AGAP1: variants seen among roughly 807,000 people sequenced by gnomAD.
AGAP1 encodes ArfGAP with GTPase domain, ankyrin repeat and PH domain 1.
In AGAP1, 29 loss-of-function variants were observed where a neutral mutation model predicts 105.3. The observed-to-expected ratio is 0.28, with a 90% CI of 0.21 to 0.38. The LOEUF (loss-of-function observed/expected upper bound fraction) is 0.38. Among genes scored for constraint, AGAP1 ranks in the 10% least tolerant of loss-of-function variants. The probability of loss-of-function intolerance (pLI) is 1.00; values close to 1 mark genes in which losing one functional copy is unlikely to be tolerated. For missense variants in AGAP1, 998 were observed against 1,165.1 expected (o/e 0.86, Z 2.09); for synonymous variants, 509 against 485.9 (o/e 1.05, Z -0.63).
chr2:235,836,122 G>T (rs1321677355), intron 9 of AGAP1, among the ~76,000 whole-genome samples: 1 of 152,144 alleles, frequency 6.6e-6, no homozygotes, highest in South Asian at 2.1e-4. Flanking sequence ...ATTTTGTAAG[G>T]AACATTAACA....
chr2:235,562,478 T>A (rs1012881341), intron 1 of AGAP1, among the ~76,000 whole-genome samples: 3 of 152,102 alleles, frequency 2.0e-5, no homozygotes, highest in Non-Finnish European at 4.4e-5. Context: ...TGTGTGAGAC[T>A]GCTTTCCCTT....
Position 235,734,298 on chromosome 2 carries a change from C to T in AGAP1, c.311-6665C>T, listed in dbSNP as rs1952114332. 6.6e-6 allele frequency among the ~76,000 whole-genome samples: 1 copy of T among 152,144 alleles called. No individual in the cohort carries two copies. The highest frequency in any genetic ancestry group is 6.5e-5 in the Admixed American group (1 of 15,268). ...GTGGCCGAAAGGGACCCAGGACCTG[C>T]CAGCCATGCTCCTCCTGTCTTTCTC... On this transcript the variant is annotated intron_variant, in intron 3 of 17. Transcript: ENST00000304032. This position sits in a 1 kb window ranked among gnomAD's most constrained non-coding sequence, Gnocchi z 5.3.
chr2:235,710,241 A>G (rs979783463), intron 2 of AGAP1, among the ~76,000 whole-genome samples: 1 of 152,236 alleles, frequency 6.6e-6, no homozygotes, highest in Admixed American at 6.5e-5. Flanking sequence ...GCCAGGAGAC[A>G]GGATCCTTCC....
rs376797868 is a variant in AGAP1, at chr2:235,797,250, GAGAT to G, written c.674-506_674-503del. 1.2e-4 allele frequency among the ~76,000 whole-genome samples: 18 copies of G among 152,246 alleles called. No homozygotes were observed. In the East Asian group the frequency reaches 3.1e-3, roughly 26 times the overall value. ...ATGATTTTATGAGAATAACTTAAAT[GAGAT>G]AGGTGTGTATTTTTTTGCTTTACAT... On this transcript the variant is annotated intron_variant, in intron 6 of 17. Transcript: ENST00000304032.
At chr2:235,837,627 A>C (rs889817649) in intron 9 of AGAP1, among the ~76,000 whole-genome samples, 2 of 152,194 alleles carry the variant, frequency 1.3e-5, no homozygotes, top group Non-Finnish European at 2.9e-5. Flanking sequence ...AAGATGATGG[A>C]GTCTACCAGT....
rs1319320019 is a variant in AGAP1 at position 236,038,470 on chromosome 2, A to G, written c.1800+1755A>G. On this transcript the variant is annotated intron_variant, in intron 14 of 17. Transcript: ENST00000304032. This position sits in a 1 kb window ranked among gnomAD's most constrained non-coding sequence, Gnocchi z 4.5. ...TCCTGACTCGTGTCTCAGCTCATGC[A>G]CACACCAGCCTTAGAATGCTGCCCT... Among the ~76,000 whole-genome samples the G allele has an allele frequency of 6.6e-6, 1 of 152,152 alleles. No individual in the cohort carries two copies. The highest frequency in any genetic ancestry group is 1.5e-5 in the Non-Finnish European group (1 of 68,026).
rs2149727697 is a variant in AGAP1 at position 235,753,296 on chromosome 2, T to C, written c.673+2808T>C. 6.6e-6 allele frequency among the ~76,000 whole-genome samples: 1 copy of C among 152,364 alleles called. No homozygotes were observed. The highest frequency in any genetic ancestry group is 1.5e-5 in the Non-Finnish European group (1 of 68,028). ...TATTCAGAAAAAGCGTTTCCGTTAC[T>C]GTGACAGCTCATGTCGCACCTCCCC... On this transcript the variant is annotated intron_variant, in intron 6 of 17. Coordinates refer to ENST00000304032, the MANE Select transcript of AGAP1 (RefSeq NM_001037131.3). The surrounding 1 kb of genome is among the most constrained non-coding windows in gnomAD (Gnocchi z 4.5).
intron 16 of AGAP1, among the ~76,000 whole-genome samples, chr2:236,071,151 G>T (rs2058484767): frequency 1.3e-5 from 2 of 152,238 alleles, no homozygotes; most frequent in African/African-American, 2.4e-5. Flanking sequence ...GGCAGCGCTG[G>T]TTCATTTCTT....
intron 16 of AGAP1, among the ~76,000 whole-genome samples, chr2:236,085,866 G>A (rs1163537816): frequency 6.6e-6 from 1 of 152,256 alleles, no homozygotes; most frequent in African/African-American, 2.4e-5. Flanking sequence ...ACTCCTGGAG[G>A]GGACAATGGC....
At position 235,600,205 on chromosome 2, in the gene AGAP1, G is replaced by C. The variant is rs1445989598; in HGVS notation, c.163+105356G>C. Among the ~76,000 whole-genome samples the C allele has an allele frequency of 6.6e-6, 1 of 152,192 alleles. No homozygotes were observed. The highest frequency in any genetic ancestry group is 2.4e-5 in the African/African-American group (1 of 41,438). On this transcript the variant is annotated intron_variant, in intron 1 of 17. Transcript: ENST00000304032. This position sits in a 1 kb window ranked among gnomAD's most constrained non-coding sequence, Gnocchi z 4.8. Reference sequence around the variant, plus strand: ...ATTCTGTAGCTCATCTGGCAGCAGGGCCAGAGCTGATGATCTAATTCGGAT... The same window carrying C: ...ATTCTGTAGCTCATCTGGCAGCAGGCCCAGAGCTGATGATCTAATTCGGAT...
intron 1 of AGAP1, among the ~76,000 whole-genome samples, chr2:235,563,064 A>G (rs907753783): frequency 6.6e-6 from 1 of 152,166 alleles, no homozygotes; most frequent in African/African-American, 2.4e-5. Context: ...AATAATTAAA[A>G]TAAAATAAAA....
At chr2:235,890,614 G>A (rs773946954) in intron 10 of AGAP1, among the ~76,000 whole-genome samples, 1 of 152,214 alleles carries the variant, frequency 6.6e-6, no homozygotes, top group African/African-American at 2.4e-5. Flanking sequence ...TCCAGGAGCT[G>A]GAGCACACCT....
intron 16 of AGAP1, among the ~76,000 whole-genome samples, chr2:236,066,475 G>A (rs1185030130): frequency 3.9e-5 from 6 of 152,068 alleles, no homozygotes; most frequent in Non-Finnish European, 7.4e-5. Context: ...ATCCACCCGC[G>A]TCGGCCTCCC....
intron 6 of AGAP1, among the ~76,000 whole-genome samples, chr2:235,766,104 C>G (rs991443309): frequency 2.0e-5 from 3 of 152,208 alleles, no homozygotes; most frequent in Non-Finnish European, 4.4e-5. Flanking sequence ...CCATTGGCTA[C>G]ATTAAAAAAC....
In AGAP1 at chr2:236,076,618, T is replaced by G. The variant is rs891281985; in HGVS notation, c.2114+27337T>G. On this transcript the variant is annotated intron_variant, in intron 16 of 17. Transcript: ENST00000304032. The surrounding 1 kb of genome is among the most constrained non-coding windows in gnomAD (Gnocchi z 4.4). ...AATCTCAGAGAATGATGATAGATGT[T>G]TCTGGAAAATGAGTTGTGTTTGAGA... Among the ~76,000 whole-genome samples, 1 of 152,154 alleles carries G rather than the reference T, an allele frequency of 6.6e-6. No individual in the cohort carries two copies. Among genetic ancestry groups the G allele is most frequent in the African/African-American group, 2.4e-5 (1 of 41,426 alleles).
rs1245691061 is a variant in AGAP1, at chr2:236,109,081, G to A, written c.2115-11111G>A. Among the ~76,000 whole-genome samples the A allele has an allele frequency of 6.6e-6, 1 of 152,152 alleles. No individual in the cohort carries two copies. Among genetic ancestry groups the A allele is most frequent in the Non-Finnish European group, 1.5e-5 (1 of 68,034 alleles). On this transcript the variant is annotated intron_variant, in intron 16 of 17. Coordinates refer to ENST00000304032, the MANE Select transcript of AGAP1 (RefSeq NM_001037131.3). This position sits in a 1 kb window ranked among gnomAD's most constrained non-coding sequence, Gnocchi z 5.4. ...CAAATGCATGAGGAACAGAGAATGG[G>A]GCATTGCAGGAAGACAGCATTTCTC...
At chr2:235,573,105 C>CTT (rs537991080) in intron 1 of AGAP1, among the ~76,000 whole-genome samples, 3 of 94,936 alleles carry the variant, frequency 3.2e-5, no homozygotes, top group South Asian at 3.5e-4. Flanking sequence ...CTTCTTCTTC[C>CTT]TTTTTTTTTT....
intron 1 of AGAP1, among the ~76,000 whole-genome samples, chr2:235,511,336 G>T (rs904871628): frequency 2.0e-5 from 3 of 152,104 alleles, no homozygotes; most frequent in Non-Finnish European, 4.4e-5. Context: ...AGAGGGGCCC[G>T]CCCTCTCGGT....
chr2:235,816,677 G>C (rs966193513), intron 9 of AGAP1, among the ~76,000 whole-genome samples: 1 of 152,044 alleles, frequency 6.6e-6, no homozygotes, highest in African/African-American at 2.4e-5. Flanking sequence ...GATCACCTGA[G>C]GCCAGGAGTT....
Sources: gnomAD v4.1 joint callset for allele counts (sites outside exome capture counted in the v4.1 genomes callset) on GRCh38, gnomAD v4.1.1 for gene constraint, Gnocchi (gnomAD v3.1) non-coding constraint, MANE v1.5 for transcripts, NCBI Gene and HGNC (gene_info 2026-07-23, HGNC 2026-07-21) for gene names.